ZMIZ1: variants seen among roughly 807,000 people sequenced by gnomAD.
ZMIZ1 encodes the protein zinc finger MIZ-type containing 1.
A neutral mutation model predicts 113.9 loss-of-function variants in ZMIZ1; 17 were observed. The observed-to-expected ratio is 0.15, with a 90% CI of 0.10 to 0.22. The LOEUF (loss-of-function observed/expected upper bound fraction) is 0.22, where lower values mean the gene tolerates loss of function less well. ZMIZ1 is among the 10% of genes least tolerant of loss of function. The pLI, the probability that ZMIZ1 is intolerant of heterozygous loss-of-function variation, is 1.00. For synonymous variants in ZMIZ1, 607 were observed against 603.1 expected, an observed-to-expected ratio of 1.01 and a Z score of -0.09; for missense variants, 1,059 against 1,477.8, an observed-to-expected ratio of 0.72 and a Z score of 4.65.
intron 24 of ZMIZ1, 48 bp from the exon 25 acceptor site, chr10:79,312,594 G>A (rs1855262671): frequency 1.2e-6 from 2 of 1,604,512 alleles, no homozygotes; most frequent in African/African-American, 1.3e-5. Flanking sequence ...CCCGGGGCCT[G>A]CCTCTCAGGC....
chr10:79,217,996 A>G (rs1317172096), intron 7 of ZMIZ1, among the ~76,000 whole-genome samples: 2 of 152,244 alleles, frequency 1.3e-5, no homozygotes, highest in Non-Finnish European at 2.9e-5. Flanking sequence ...GCACCCAGCA[A>G]GGGCTGAATT....
intron 4 of ZMIZ1, among the ~76,000 whole-genome samples, chr10:79,194,101 C>T (rs1280256016): frequency 6.6e-6 from 1 of 152,226 alleles, no homozygotes; most frequent in East Asian, 1.9e-4. Flanking sequence ...GCTGCCCACT[C>T]CTGCCACTGG....
intron 7 of ZMIZ1, among the ~76,000 whole-genome samples, chr10:79,270,420 G>A (rs1386176711): frequency 6.6e-6 from 1 of 152,214 alleles, no homozygotes; most frequent in Non-Finnish European, 1.5e-5. Context: ...GCATCCTTGG[G>A]TGCAGCTGGT....
intron 4 of ZMIZ1, among the ~76,000 whole-genome samples, chr10:79,172,309 A>G (rs1846634385): frequency 6.6e-6 from 1 of 152,156 alleles, no homozygotes; most frequent in South Asian, 2.1e-4. Flanking sequence ...TGTTTGGTGT[A>G]TGCCCTAGAC....
At chr10:79,102,377 C>A (rs2132265626) in intron 1 of ZMIZ1, among the ~76,000 whole-genome samples, 1 of 152,342 alleles carries the variant, frequency 6.6e-6, no homozygotes, top group African/African-American at 2.4e-5. Context: ...TCCTTCTGCC[C>A]CACCCGGGAG....
chr10:79,072,979 C>T (rs1013405599), intron 1 of ZMIZ1, among the ~76,000 whole-genome samples: 1 of 152,140 alleles, frequency 6.6e-6, no homozygotes, highest in Non-Finnish European at 1.5e-5. Context: ...CCGGGGCGTT[C>T]TGAGGTTGGG....
intron 3 of ZMIZ1, among the ~76,000 whole-genome samples, chr10:79,151,379 A>G (rs936933422): frequency 3.3e-5 from 5 of 152,130 alleles, no homozygotes; most frequent in African/African-American, 9.7e-5. Context: ...TGAGGGAAAC[A>G]TTACAGGTCA....
chr10:79,079,642 G>A (rs941911155), intron 1 of ZMIZ1, among the ~76,000 whole-genome samples: 3 of 152,236 alleles, frequency 2.0e-5, no homozygotes, highest in Non-Finnish European at 4.4e-5. Context: ...CTGGGGCCGG[G>A]GGGGTCCAGG....
At chr10:79,269,082 G>A (rs1851779208) in intron 7 of ZMIZ1, among the ~76,000 whole-genome samples, 1 of 152,152 alleles carries the variant, frequency 6.6e-6, no homozygotes, top group African/African-American at 2.4e-5. Flanking sequence ...ATGTCAGAGG[G>A]GAGAGTGTGA....
intron 4 of ZMIZ1, among the ~76,000 whole-genome samples, chr10:79,200,339 A>G (rs1162608007): frequency 1.3e-5 from 2 of 152,188 alleles, no homozygotes; most frequent in Non-Finnish European, 2.9e-5. Context: ...AGGGCTGTAC[A>G]GTCCTTCCTC....
intron 1 of ZMIZ1, among the ~76,000 whole-genome samples, chr10:79,098,288 C>T (rs903764093): frequency 2.0e-5 from 3 of 152,250 alleles, no homozygotes; most frequent in Admixed American, 1.3e-4. Flanking sequence ...CAGGCCCCAG[C>T]GGCATTGGAG....
At chr10:79,096,516 G>A (rs7074838) in intron 1 of ZMIZ1, among the ~76,000 whole-genome samples, 65,796 of 148,046 alleles carry the variant, frequency 0.44, 14,753 homozygotes, top group Non-Finnish European at 0.52. Flanking sequence ...CGTCTCAAAA[G>A]AAAAGAAAAG....
At chr10:79,096,468 C>T (rs1421577163) in intron 1 of ZMIZ1, among the ~76,000 whole-genome samples, 3 of 152,022 alleles carry the variant, frequency 2.0e-5, no homozygotes, top group Admixed American at 6.6e-5. Context: ...GCCGAGATTG[C>T]GCCACTGCAC....
chr10:79,123,265 G>GCAT lies in ZMIZ1; in HGVS notation c.-227+4241_-227+4242insCAT, dbSNP rs1844375394. On this transcript the variant is annotated intron_variant, in intron 2 of 24. Transcript: ENST00000334512. ...GAGGATGCTGGCAGATTGCGGCTGT[G>GCAT]GACCGGGCTGAGGCATGGAGGTTTT... Among the ~76,000 whole-genome samples the GCAT allele has an allele frequency of 2.6e-5, 4 of 152,334 alleles. No individual in the cohort carries two copies. The South Asian group carries it at 8.3e-4, about 32-fold the overall frequency.
Position 79,243,230 on chromosome 10 carries a change from G to A in ZMIZ1, c.280+26956G>A, listed in dbSNP as rs1261009189. On this transcript the variant is annotated intron_variant, in intron 7 of 24. Transcript: ENST00000334512. ...GGTCCGCGAGCGCGGCGCAGAGCGC[G>A]GGCCGTGGGAAGTTTCTCCGGCGCG... Among the ~76,000 whole-genome samples, 4 of 150,874 alleles carry A rather than the reference G, an allele frequency of 2.7e-5. No individual in the cohort carries two copies. The East Asian group carries it at 7.8e-4, about 29-fold the overall frequency.
chr10:79,236,398 C>T (rs1261245077), intron 7 of ZMIZ1, among the ~76,000 whole-genome samples: 1 of 152,226 alleles, frequency 6.6e-6, no homozygotes, highest in Non-Finnish European at 1.5e-5. Flanking sequence ...CTGCAGAGAG[C>T]TTATGTCAGT....
rs202224548 is a variant in ZMIZ1 at position 79,221,547 on chromosome 10, A to AC, written c.280+5278dup. On this transcript the variant is annotated intron_variant, in intron 7 of 24. Transcript: ENST00000334512. ...CCAGGCCGGGCCTTAGCATTGCCCC[A>AC]CCCCCACCTTCCATGCCAGCCCGAG... 9.3e-4 allele frequency among the ~76,000 whole-genome samples: 128 copies of AC among 137,224 alleles called. 3 individuals are homozygous for AC. In the East Asian group the frequency reaches 0.027, roughly 29 times the overall value. The allele number at this position is 137,224 out of a possible 152,430, so 90.0% of individuals were successfully genotyped here.
intron 7 of ZMIZ1, among the ~76,000 whole-genome samples, chr10:79,276,263 G>GC (rs1852280184): frequency 6.6e-6 from 1 of 152,212 alleles, no homozygotes; most frequent in Admixed American, 6.5e-5. Flanking sequence ...CAGTTCCCCA[G>GC]CCCTCAGCGT....
At chr10:79,121,097 G>A (rs867857425) in intron 2 of ZMIZ1, among the ~76,000 whole-genome samples, 1 of 152,210 alleles carries the variant, frequency 6.6e-6, no homozygotes, top group Non-Finnish European at 1.5e-5. Flanking sequence ...TGCAGGTGAG[G>A]TTCTCAGGGA....
Sources: gnomAD v4.1 joint callset for allele counts (sites outside exome capture counted in the v4.1 genomes callset) on GRCh38, gnomAD v4.1.1 for gene constraint, MANE v1.5 for transcripts, NCBI Gene and HGNC (gene_info 2026-07-23, HGNC 2026-07-21) for gene names.